RSPO2: variants seen among roughly 807,000 people sequenced by gnomAD.
RSPO2 encodes the protein R-spondin 2, also known as R-spondin-2.
RSPO2 carries 14 observed loss-of-function variants against 30.9 expected under a neutral mutation model. The ratio of observed to expected loss-of-function variants is 0.45; its 90% CI spans 0.30 to 0.71. The LOEUF is 0.71. RSPO2 is among the 30% of genes least tolerant of loss of function. The pLI, the probability that RSPO2 is intolerant of heterozygous loss-of-function variation, is 0.08. For missense variants in RSPO2, 264 were observed against 301.9 expected (o/e 0.87, Z 0.93); for synonymous variants, 107 against 96.4 (o/e 1.11, Z -0.64).
In RSPO2 at chr8:107,924,095, A is replaced by T. The variant is rs1330831760; in HGVS notation, c.617-22905T>A. 4.9e-5 allele frequency among the ~76,000 whole-genome samples: 3 copies of T among 61,554 alleles called. No individual in the cohort carries two copies. The East Asian group carries it at 5.0e-3, about 103-fold the overall frequency. The allele number at this position is 61,554 out of a possible 152,430, so 40.4% of individuals were successfully genotyped here. A position where few individuals can be genotyped will look rare whatever the true frequency, so the allele number is the denominator to read the frequency against. Reference sequence around the variant, plus strand: ...ACGTGTACCCCTGAACATACAATTAAAAAAAAAAAGACAAAAAAGAGTGAA... The same window carrying T: ...ACGTGTACCCCTGAACATACAATTATAAAAAAAAAGACAAAAAAGAGTGAA... On this transcript the variant is annotated intron_variant, in intron 5 of 5. Transcript: ENST00000276659.
intron 2 of RSPO2, among the ~76,000 whole-genome samples, chr8:108,004,625 A>C (rs929299077): frequency 4.3e-4 from 66 of 152,286 alleles, no homozygotes; most frequent in Non-Finnish European, 8.4e-4. Context: ...TTCATGGAAA[A>C]CTGTAAATGG....
rs559036314 is a variant in RSPO2 at position 107,995,355 on chromosome 8, C to T, written c.95-6111G>A. Among the ~76,000 whole-genome samples the T allele has an allele frequency of 7.2e-5, 11 of 152,128 alleles. No homozygotes were observed. In the South Asian group the frequency reaches 1.2e-3, roughly 17 times the overall value. ...AGTTACCAATAAAATTCTGGGTAAG[C>T]GACTTTCCAAATGCTCCTTTATATA... On this transcript the variant is annotated intron_variant, in intron 2 of 5. Transcript: ENST00000276659.
intron 3 of RSPO2, among the ~76,000 whole-genome samples, chr8:107,963,371 G>T (rs670858): frequency 2.0e-5 from 3 of 151,222 alleles, no homozygotes; most frequent in Admixed American, 2.0e-4. Flanking sequence ...CCATCTCTAA[G>T]AAATTAGCTG....
intron 5 of RSPO2, among the ~76,000 whole-genome samples, chr8:107,917,786 CTT>C (rs1444287358): frequency 1.3e-5 from 2 of 152,248 alleles, no homozygotes; most frequent in East Asian, 3.9e-4. Context: ...ATTCTGATGA[CTT>C]AGTGTATGTC....
intron 5 of RSPO2, among the ~76,000 whole-genome samples, chr8:107,940,791 T>C (rs962901491): frequency 1.3e-5 from 2 of 152,210 alleles, no homozygotes; most frequent in East Asian, 1.9e-4. Flanking sequence ...TTTTAACCAA[T>C]AGATGAATAA....
In RSPO2 at chr8:107,965,467, C is replaced by A. The variant is rs186229264; in HGVS notation, c.284-4650G>T. 2.3e-3 allele frequency among the ~76,000 whole-genome samples: 353 copies of A among 152,244 alleles called. 3 individuals are homozygous for A. The highest frequency in any genetic ancestry group is 5.9e-4 in the Non-Finnish European group (40 of 68,016). The stretch of plus-strand genomic sequence containing the variant: ...GTTCATTCTCAACATTCTCCAGGAA[C>A]CTAGTATATGCCAGACCCTAAGAAC... On this transcript the variant is annotated intron_variant, in intron 3 of 5. Transcript: ENST00000276659.
intron 2 of RSPO2, among the ~76,000 whole-genome samples, chr8:108,027,018 A>G (rs1398914382): frequency 2.0e-5 from 3 of 152,216 alleles, no homozygotes; most frequent in Non-Finnish European, 4.4e-5. Flanking sequence ...CAACCAATCC[A>G]TATCAAAATA....
At chr8:108,053,810 C>T (rs1009838505) in intron 2 of RSPO2, among the ~76,000 whole-genome samples, 4 of 152,058 alleles carry the variant, frequency 2.6e-5, no homozygotes, top group Non-Finnish European at 4.4e-5. Context: ...ACATTACTGG[C>T]TAAGAAACGT....
intron 3 of RSPO2, among the ~76,000 whole-genome samples, chr8:107,982,869 C>CT (rs1814495644): frequency 6.6e-6 from 1 of 152,132 alleles, no homozygotes; most frequent in Non-Finnish European, 1.5e-5. Flanking sequence ...CTGGCTTTTC[C>CT]TTGCTTTCTG....
rs71308771 is a variant in RSPO2 at position 108,029,054 on chromosome 8, C to CTTTTTTTTTT, written c.95-39820_95-39811dup. Among the ~76,000 whole-genome samples the CTTTTTTTTTT allele has an allele frequency of 6.9e-4, 18 of 26,202 alleles. 6 individuals carry two copies. The highest frequency in any genetic ancestry group is 1.3e-3 in the Non-Finnish European group (12 of 8,928). 17.2% of individuals were successfully genotyped at this position (26,202 alleles called of 152,430 possible). On this transcript the variant is annotated intron_variant, in intron 2 of 5. Transcript: ENST00000276659. Reference sequence around the variant, plus strand: ...AACTTGGGTAACTGTTAACATGAGTCTTTTTTTTTTTTTTTTTTTTTTTTT... The same window carrying CTTTTTTTTTT: ...AACTTGGGTAACTGTTAACATGAGTCTTTTTTTTTTTTTTTTTTTTTTTTTTTTTTTTTTT...
At chr8:108,068,262 T>C (rs1474882528) in intron 2 of RSPO2, among the ~76,000 whole-genome samples, 2 of 152,198 alleles carry the variant, frequency 1.3e-5, no homozygotes, top group Admixed American at 6.5e-5. Context: ...TGAGGTTACA[T>C]ACTCCAAACA....
chr8:108,003,783 T>C (rs1815361699), intron 2 of RSPO2, among the ~76,000 whole-genome samples: 1 of 152,134 alleles, frequency 6.6e-6, no homozygotes, highest in African/African-American at 2.4e-5. Flanking sequence ...TTTATCAAAG[T>C]GAATAAACAG....
chr8:107,918,721 G>GA (rs1329648135), intron 5 of RSPO2, among the ~76,000 whole-genome samples: 1 of 151,996 alleles, frequency 6.6e-6, no homozygotes, highest in Non-Finnish European at 1.5e-5. Context: ...AAGCCTATGT[G>GA]AAAAAATAAT....
At chr8:107,959,696 A>G (rs1390951454) in intron 4 of RSPO2, among the ~76,000 whole-genome samples, 1 of 152,218 alleles carries the variant, frequency 6.6e-6, no homozygotes, top group Non-Finnish European at 1.5e-5. Flanking sequence ...AGCAAATTCA[A>G]CATTCTGAAT....
At chr8:108,031,560 C>T (rs553135160) in intron 2 of RSPO2, among the ~76,000 whole-genome samples, 9 of 152,282 alleles carry the variant, frequency 5.9e-5, no homozygotes, top group African/African-American at 2.2e-4. Context: ...CATCAAGTAT[C>T]ACCTGGGTGA....
intron 5 of RSPO2, among the ~76,000 whole-genome samples, chr8:107,955,346 G>A (rs1813388274): frequency 6.6e-6 from 1 of 152,058 alleles, no homozygotes; most frequent in Non-Finnish European, 1.5e-5. Flanking sequence ...GACTTGTCAG[G>A]GCTCACTGAA....
chr8:108,025,210 C>T (rs1466069479), intron 2 of RSPO2, among the ~76,000 whole-genome samples: 3 of 152,154 alleles, frequency 2.0e-5, no homozygotes, highest in African/African-American at 7.2e-5. Context: ...TGAGCATATC[C>T]AGCAACCAGA....
intron 5 of RSPO2, among the ~76,000 whole-genome samples, chr8:107,943,161 C>T (rs1812952741): frequency 1.3e-5 from 2 of 152,224 alleles, no homozygotes; most frequent in South Asian, 4.1e-4. Context: ...TCCTTAAATG[C>T]AGTGCTGAAA....
At chr8:108,061,255 T>C (rs972402436) in intron 2 of RSPO2, among the ~76,000 whole-genome samples, 7 of 151,184 alleles carry the variant, frequency 4.6e-5, no homozygotes, top group African/African-American at 1.7e-4. Flanking sequence ...GGATAAAGAG[T>C]CAAGACCCAT....
Sources: gnomAD v4.1 joint callset for allele counts (sites outside exome capture counted in the v4.1 genomes callset) on GRCh38, gnomAD v4.1.1 for gene constraint, MANE v1.5 for transcripts, NCBI Gene and HGNC (gene_info 2026-07-23, HGNC 2026-07-21) for gene names.